The following SLC4A10 variants were observed in gnomAD, a reference collection of about 807,000 sequenced individuals.
SLC4A10 encodes solute carrier family 4 member 10, also known as sodium-driven chloride bicarbonate exchanger.
A neutral mutation model predicts 137.7 loss-of-function variants in SLC4A10; 42 were observed. The observed-to-expected ratio is 0.30, with a 90% CI of 0.24 to 0.39. The LOEUF (loss-of-function observed/expected upper bound fraction) is 0.39, where lower values mean the gene tolerates loss of function less well. Ranked by LOEUF, SLC4A10 falls within the 10% of genes least tolerant of loss-of-function variation. SLC4A10 has a pLI of 1.00. For missense variants in SLC4A10, 925 were observed against 1,355.0 expected, an observed-to-expected ratio of 0.68 and a Z score of 4.98; for synonymous variants, 474 against 464.1, an observed-to-expected ratio of 1.02 and a Z score of -0.27.
At chr2:161,650,325 G>A (rs1385917566) in intron 1 of SLC4A10, among the ~76,000 whole-genome samples, 2 of 152,330 alleles carry the variant, frequency 1.3e-5, no homozygotes, top group Admixed American at 1.3e-4. Context: ...TTTTCATTAC[G>A]TCATATCAGG....
At chr2:161,935,707 C>T (rs1435448695) in intron 15 of SLC4A10, among the ~76,000 whole-genome samples, 1 of 152,060 alleles carries the variant, frequency 6.6e-6, no homozygotes, top group African/African-American at 2.4e-5. Context: ...TGTTAAAGTG[C>T]TACCCATTTT....
chr2:161,913,845 G>A (rs1381127614), intron 15 of SLC4A10, among the ~76,000 whole-genome samples: 2 of 152,098 alleles, frequency 1.3e-5, no homozygotes, highest in African/African-American at 4.8e-5. Flanking sequence ...TTGACACTTT[G>A]TATATGATTT....
chr2:161,952,476 A>AT (rs1179502190), intron 19 of SLC4A10, among the ~76,000 whole-genome samples: 2 of 152,184 alleles, frequency 1.3e-5, no homozygotes, highest in Admixed American at 6.5e-5. Flanking sequence ...AACTAGAACT[A>AT]TTTTTGTCAC....
chr2:161,707,061 G>A (rs564325086), intron 1 of SLC4A10, among the ~76,000 whole-genome samples: 69 of 151,550 alleles, frequency 4.6e-4, no homozygotes, highest in African/African-American at 1.6e-3. Context: ...AGCTTAGGAA[G>A]GCTTTATTGA....
intron 20 of SLC4A10, among the ~76,000 whole-genome samples, chr2:161,958,102 T>A (rs1157132068): frequency 1.3e-5 from 2 of 152,170 alleles, no homozygotes; most frequent in African/African-American, 4.8e-5. Context: ...AGCTTCATTT[T>A]TAATCCACCT....
intron 12 of SLC4A10, among the ~76,000 whole-genome samples, chr2:161,903,050 T>C (rs1037950267): frequency 6.6e-6 from 1 of 152,162 alleles, no homozygotes; most frequent in Admixed American, 6.5e-5. Flanking sequence ...AAACTTACAG[T>C]AGCCAAATGT....
intron 1 of SLC4A10, among the ~76,000 whole-genome samples, chr2:161,651,729 C>G (rs760211778): frequency 3.3e-5 from 5 of 152,236 alleles, no homozygotes; most frequent in Non-Finnish European, 7.3e-5. Flanking sequence ...GAGCTGCCTG[C>G]CCCACCACAG....
chr2:161,827,054 A>T (rs930459703), intron 3 of SLC4A10, among the ~76,000 whole-genome samples: 1 of 152,128 alleles, frequency 6.6e-6, no homozygotes, highest in Non-Finnish European at 1.5e-5. Context: ...ATGGTATCTG[A>T]CAAAAGAAAG....
At chr2:161,813,108 C>G (rs1412305774) in intron 3 of SLC4A10, among the ~76,000 whole-genome samples, 3 of 151,628 alleles carry the variant, frequency 2.0e-5, no homozygotes, top group African/African-American at 4.8e-5. Flanking sequence ...TTCATTTTAT[C>G]CTAAAGTAGA....
At chr2:161,794,837 C>T (rs1031783932) in intron 2 of SLC4A10, among the ~76,000 whole-genome samples, 1 of 151,988 alleles carries the variant, frequency 6.6e-6, no homozygotes, top group African/African-American at 2.4e-5. Context: ...TTTCCCTGAA[C>T]ATAAAGTTAG....
At chr2:161,698,374 T>A (rs1436506223) in intron 1 of SLC4A10, among the ~76,000 whole-genome samples, 2 of 152,248 alleles carry the variant, frequency 1.3e-5, no homozygotes, top group South Asian at 2.1e-4. Flanking sequence ...AGGGCATCCC[T>A]GTCTTGTGCC....
intron 21 of SLC4A10, among the ~76,000 whole-genome samples, chr2:161,963,713 T>C (rs183600279): frequency 2.8e-4 from 43 of 152,278 alleles, no homozygotes; most frequent in Admixed American, 9.8e-4. Context: ...GCCATGGGTA[T>C]GGATGAACTA....
chr2:161,800,498 G>A lies in SLC4A10; in HGVS notation c.131-3951G>A, dbSNP rs185918288. Among the ~76,000 whole-genome samples the A allele has an allele frequency of 1.2e-3, 177 of 152,008 alleles. 3 individuals are homozygous for A. The Middle Eastern group carries it at 0.017, about 15-fold the overall frequency. On this transcript the variant is annotated intron_variant, in intron 2 of 26. Coordinates refer to ENST00000446997, the MANE Select transcript of SLC4A10 (RefSeq NM_001178015.2). ...CCTTGCTTGTATTTACAAACTTTGGGGTTAGAATGCATAAAATTGAGATTA... is the reference window on the plus strand; with the variant it reads ...CCTTGCTTGTATTTACAAACTTTGGAGTTAGAATGCATAAAATTGAGATTA...
chr2:161,711,950 C>G (rs1027502911), intron 1 of SLC4A10, among the ~76,000 whole-genome samples: 2 of 151,862 alleles, frequency 1.3e-5, no homozygotes, highest in South Asian at 4.2e-4. Context: ...TTGTCAACAT[C>G]CTTTGTCGAC....
chr2:161,703,639 T>C (rs1370123732), intron 1 of SLC4A10, among the ~76,000 whole-genome samples: 3 of 151,694 alleles, frequency 2.0e-5, no homozygotes, highest in African/African-American at 4.8e-5. Flanking sequence ...TATTTTCCTC[T>C]ATTGTGTGAT....
chr2:161,946,844 G>T (rs924524531), intron 16 of SLC4A10, among the ~76,000 whole-genome samples: 4 of 151,992 alleles, frequency 2.6e-5, no homozygotes, highest in African/African-American at 9.7e-5. Flanking sequence ...TGCTCATGTA[G>T]TAATTTTATT....
Position 161,827,228 on chromosome 2 carries a change from C to T in SLC4A10, c.278-12561C>T, listed in dbSNP as rs181871953. Among the ~76,000 whole-genome samples the T allele has an allele frequency of 2.6e-5, 4 of 152,290 alleles. No homozygotes were observed. In the East Asian group the frequency reaches 7.7e-4, roughly 29 times the overall value. ...GACTTTCATTTTGAGTCATCATCAT[C>T]ATTGTAATCATGTGATATCTTTAGT... On this transcript the variant is annotated intron_variant, in intron 3 of 26. Transcript: ENST00000446997.
intron 1 of SLC4A10, among the ~76,000 whole-genome samples, chr2:161,734,981 C>T (rs190232959): frequency 6.6e-6 from 1 of 152,056 alleles, no homozygotes; most frequent in African/African-American, 2.4e-5. Context: ...CTCTCTCTTG[C>T]CACCATGTAA....
intron 1 of SLC4A10, among the ~76,000 whole-genome samples, chr2:161,727,371 T>C (rs2125156723): frequency 6.6e-6 from 1 of 152,318 alleles, no homozygotes; most frequent in African/African-American, 2.4e-5. Flanking sequence ...ATCCACATTC[T>C]CAGGGCTTCT....
Sources: allele counts gnomAD v4.1 joint callset (sites outside exome capture counted in the v4.1 genomes callset), GRCh38; gene constraint gnomAD v4.1.1; transcripts MANE v1.5; gene names NCBI Gene and HGNC (gene_info 2026-07-23, HGNC 2026-07-21).